ANKS1B: variants seen among roughly 807,000 people sequenced by gnomAD.
ANKS1B encodes ankyrin repeat and sterile alpha motif domain-containing protein 1B.
Under a neutral mutation model 148.3 loss-of-function variants are expected in ANKS1B, and 36 were observed. The ratio of observed to expected loss-of-function variants is 0.24; its 90% confidence interval spans 0.19 to 0.32. ANKS1B has a LOEUF of 0.32. Ranked by LOEUF, ANKS1B falls within the 10% of genes least tolerant of loss-of-function variation. The pLI, the probability that ANKS1B is intolerant of heterozygous loss-of-function variation, is 1.00. For synonymous variants in ANKS1B, 542 were observed against 560.8 expected (o/e 0.97, Z 0.47); for missense variants, 1,157 against 1,542.6 (o/e 0.75, Z 4.19).
chr12:99,182,246 A>G (rs1347041193), intron 14 of ANKS1B, among the ~76,000 whole-genome samples: 1 of 152,158 alleles, frequency 6.6e-6, no homozygotes, highest in Non-Finnish European at 1.5e-5. Context: ...AACCACCCCC[A>G]CGATTCAATC....
chr12:99,786,862 T>A (rs913619240), intron 4 of ANKS1B, among the ~76,000 whole-genome samples: 25 of 152,180 alleles, frequency 1.6e-4, no homozygotes, highest in African/African-American at 5.8e-4. Context: ...CATCCCACCA[T>A]GAACAAGGAT....
At chr12:99,976,737 A>C (rs1051755705) in intron 1 of ANKS1B, among the ~76,000 whole-genome samples, 1 of 152,242 alleles carries the variant, frequency 6.6e-6, no homozygotes, top group Non-Finnish European at 1.5e-5. Flanking sequence ...TCATTTAATA[A>C]GAAACATGAT....
intron 12 of ANKS1B, among the ~76,000 whole-genome samples, chr12:99,381,196 T>A (rs2093631392): frequency 6.6e-6 from 1 of 152,182 alleles, no homozygotes; most frequent in African/African-American, 2.4e-5. Context: ...TTCTGTTGTA[T>A]CAAGCCACCC....
At chr12:99,888,860 T>A (rs1272760786) in intron 1 of ANKS1B, among the ~76,000 whole-genome samples, 1 of 152,036 alleles carries the variant, frequency 6.6e-6, no homozygotes, top group Non-Finnish European at 1.5e-5. Context: ...TTGTTTCAAA[T>A]TGTATCTCTT....
At chr12:99,534,089 G>C (rs973641234) in intron 9 of ANKS1B, among the ~76,000 whole-genome samples, 5 of 152,138 alleles carry the variant, frequency 3.3e-5, no homozygotes, top group African/African-American at 1.2e-4. Flanking sequence ...ATAAATCTGT[G>C]ACTTGAATCC....
intron 12 of ANKS1B, among the ~76,000 whole-genome samples, chr12:99,260,026 T>A (rs930695068): frequency 1.3e-5 from 2 of 152,234 alleles, no homozygotes; most frequent in African/African-American, 4.8e-5. Flanking sequence ...ACAGTCACTG[T>A]AACCATGTAT....
chr12:99,806,894 A>G (rs1443134650), intron 3 of ANKS1B, among the ~76,000 whole-genome samples, 194 bp from the exon 4 acceptor site: 1 of 152,174 alleles, frequency 6.6e-6, no homozygotes, highest in African/African-American at 2.4e-5. Flanking sequence ...AATTTTTTAT[A>G]TCACTTTAAT....
chr12:99,551,983 T>C lies in ANKS1B; in HGVS notation c.1273-47342A>G, dbSNP rs949081517. Reference sequence around the variant, plus strand: ...CATCTGAAACACTGTTCCAATCATATATGTACAGTTCCTAGCATGTGCCAA... The same window carrying C: ...CATCTGAAACACTGTTCCAATCATACATGTACAGTTCCTAGCATGTGCCAA... On this transcript the variant is annotated intron_variant, in intron 9 of 26. Coordinates refer to ENST00000683438, the MANE Select transcript of ANKS1B (RefSeq NM_001352186.2). 2.0e-5 allele frequency among the ~76,000 whole-genome samples: 3 copies of C among 152,238 alleles called. No homozygotes were observed. The East Asian group carries it at 5.8e-4, about 29-fold the overall frequency.
At chr12:99,429,293 T>G (rs369066473) in intron 11 of ANKS1B, among the ~76,000 whole-genome samples, 1 of 152,164 alleles carries the variant, frequency 6.6e-6, no homozygotes, top group East Asian at 1.9e-4. Flanking sequence ...GCTGATAGGA[T>G]GCAATAAGAA....
chr12:99,370,557 A>G (rs904107177), intron 12 of ANKS1B, among the ~76,000 whole-genome samples: 2 of 152,186 alleles, frequency 1.3e-5, no homozygotes, highest in African/African-American at 4.8e-5. Flanking sequence ...TAAAAATTAT[A>G]TAGTCACAGC....
In ANKS1B at chr12:99,629,901, T is replaced by A. The variant is rs144021911; in HGVS notation, c.1272+25166A>T. On this transcript the variant is annotated intron_variant, in intron 9 of 26. Transcript: ENST00000683438. ...AGCAATGAAAAAATAATAGGTTATA[T>A]GACTGACAAAAGGTACATACCTTGT... 9.8e-3 allele frequency among the ~76,000 whole-genome samples: 1,495 copies of A among 152,292 alleles called. 28 individuals are homozygous for A. Among genetic ancestry groups the A allele is most frequent in the African/African-American group, 0.034 (1,431 of 41,564 alleles).
At chr12:99,290,893 G>A in intron 12 of ANKS1B, among the ~76,000 whole-genome samples, 1 of 151,928 alleles carries the variant, frequency 6.6e-6, no homozygotes, top group East Asian at 1.9e-4. Context: ...TTTCACCACT[G>A]TTATTCAATA....
intron 18 of ANKS1B, among the ~76,000 whole-genome samples, chr12:98,830,164 C>T (rs1242974147): frequency 1.3e-5 from 2 of 152,084 alleles, no homozygotes; most frequent in Non-Finnish European, 2.9e-5. Context: ...GGAAATGACT[C>T]CTCTAAAGAG....
intron 19 of ANKS1B, among the ~76,000 whole-genome samples, chr12:98,814,271 G>C (rs1594525332): frequency 1.3e-5 from 2 of 152,326 alleles, no homozygotes; most frequent in South Asian, 4.1e-4. Context: ...CTTCACGAGA[G>C]AGGAAACTTT....
At chr12:99,349,745 C>A in intron 12 of ANKS1B, among the ~76,000 whole-genome samples, 1 of 151,880 alleles carries the variant, frequency 6.6e-6, no homozygotes, top group East Asian at 1.9e-4. Flanking sequence ...ATTTCAATAC[C>A]CTATTTTCAA....
intron 14 of ANKS1B, among the ~76,000 whole-genome samples, chr12:99,205,869 C>G (rs1235911006): frequency 6.6e-6 from 1 of 152,130 alleles, no homozygotes; most frequent in Non-Finnish European, 1.5e-5. Context: ...GATTTGGTTT[C>G]TATCTTCTTA....
At chr12:99,973,791 G>T (rs1209022538) in intron 1 of ANKS1B, among the ~76,000 whole-genome samples, 1 of 152,192 alleles carries the variant, frequency 6.6e-6, no homozygotes, top group Non-Finnish European at 1.5e-5. Flanking sequence ...GATAAAATTT[G>T]AACAGATAAG....
intron 5 of ANKS1B, 107 bp downstream of exon 5, chr12:99,781,915 G>A (rs557845041): frequency 1.6e-4 from 152 of 932,996 alleles, no homozygotes; most frequent in Non-Finnish European, 2.4e-4. Flanking sequence ...TTAGAGTAAA[G>A]GCAAGAGGGT....
intron 9 of ANKS1B, among the ~76,000 whole-genome samples, chr12:99,611,129 T>C (rs1351055317): frequency 1.3e-5 from 2 of 152,124 alleles, no homozygotes; most frequent in Non-Finnish European, 2.9e-5. Flanking sequence ...ACAAACACTT[T>C]ATATCAATAG....
Sources: allele counts gnomAD v4.1 joint callset (sites outside exome capture counted in the v4.1 genomes callset), GRCh38; gene constraint gnomAD v4.1.1; transcripts MANE v1.5; gene names NCBI Gene and HGNC (gene_info 2026-07-23, HGNC 2026-07-21).